The following DLG2 variants were observed in gnomAD, a reference collection of about 807,000 sequenced individuals.
DLG2 encodes the protein disks large homolog 2.
Under a neutral mutation model 132.5 loss-of-function variants are expected in DLG2, and 45 were observed. That is an observed-to-expected ratio of 0.34 (90% CI 0.27 to 0.44). The LOEUF is 0.44. Among genes scored for constraint, DLG2 ranks in the 20% least tolerant of loss-of-function variants. The pLI is 1.00. For missense variants in DLG2, 1,045 were observed against 1,196.9 expected (o/e 0.87, Z 1.87); for synonymous variants, 424 against 419.6 (o/e 1.01, Z -0.13).
At chr11:85,542,826 A>C (rs1415035013) in intron 3 of DLG2, among the ~76,000 whole-genome samples, 1 of 152,220 alleles carries the variant, frequency 6.6e-6, no homozygotes, top group Admixed American at 6.5e-5. Context: ...TTTATTTAAA[A>C]ACAAATGAAA....
intron 4 of DLG2, among the ~76,000 whole-genome samples, chr11:85,214,580 A>T (rs2082457741): frequency 6.6e-6 from 1 of 152,122 alleles, no homozygotes; most frequent in African/African-American, 2.4e-5. Flanking sequence ...ATATCCTCCC[A>T]CAAGTATCTA....
intron 6 of DLG2, among the ~76,000 whole-genome samples, chr11:84,734,972 A>G (rs780065822): frequency 6.6e-6 from 1 of 152,210 alleles, no homozygotes; most frequent in Non-Finnish European, 1.5e-5. Flanking sequence ...CCAGCCTTGC[A>G]TCCCAGGGAT....
chr11:84,980,322 C>G (rs936828313), intron 6 of DLG2, among the ~76,000 whole-genome samples: 3 of 152,030 alleles, frequency 2.0e-5, no homozygotes, highest in African/African-American at 7.2e-5. Flanking sequence ...TTAAAATGGT[C>G]CTGGTGGCAG....
chr11:84,269,762 C>T (rs1187280035), intron 7 of DLG2, among the ~76,000 whole-genome samples: 1 of 152,146 alleles, frequency 6.6e-6, no homozygotes, highest in Admixed American at 6.5e-5. Context: ...GCAAGATGAG[C>T]ATAAGAACTG....
intron 11 of DLG2, among the ~76,000 whole-genome samples, chr11:83,992,605 C>T (rs1036900817): frequency 2.0e-5 from 3 of 152,088 alleles, no homozygotes; most frequent in South Asian, 2.1e-4. Context: ...GGAGTGCAGT[C>T]TCCACAAGGA....
At chr11:84,275,165 A>G (rs2097772044) in intron 7 of DLG2, among the ~76,000 whole-genome samples, 2 of 152,156 alleles carry the variant, frequency 1.3e-5, no homozygotes, top group African/African-American at 2.4e-5. Flanking sequence ...CCTGTTTATC[A>G]GGTTCCTTTA....
intron 11 of DLG2, among the ~76,000 whole-genome samples, chr11:84,033,183 A>T (rs1212289278): frequency 6.6e-6 from 1 of 152,216 alleles, no homozygotes; most frequent in Non-Finnish European, 1.5e-5. Context: ...TATAGCTGCC[A>T]TAAATTGTGA....
At chr11:84,309,159 C>T (rs548042343) in intron 7 of DLG2, among the ~76,000 whole-genome samples, 51 of 152,266 alleles carry the variant, frequency 3.3e-4, no homozygotes, top group Non-Finnish European at 5.4e-4. Flanking sequence ...ACAATTTACT[C>T]ATGTAACAAA....
intron 6 of DLG2, among the ~76,000 whole-genome samples, chr11:84,869,300 T>C (rs552442324): frequency 3.3e-5 from 5 of 152,342 alleles, no homozygotes; most frequent in East Asian, 1.9e-4. Context: ...AGAGGCTTGC[T>C]TGAATTTTAG....
chr11:84,243,034 T>C (rs2097255965), intron 8 of DLG2, among the ~76,000 whole-genome samples: 1 of 151,548 alleles, frequency 6.6e-6, no homozygotes, highest in South Asian at 2.1e-4. Context: ...TATATATATA[T>C]ATATACACTC....
rs1036831736 is a variant in DLG2, at chr11:85,351,904, C to T, written c.41-66539G>A. ...TTGCGTCCCTGTCAGGCTTTGGCAT[C>T]AGGATGAGGCTGGCCTCATAAAATG... On this transcript the variant is annotated intron_variant, in intron 3 of 27. Coordinates refer to ENST00000376104, the MANE Select transcript of DLG2 (RefSeq NM_001142699.3). Among the ~76,000 whole-genome samples, 76 of 152,274 alleles carry T rather than the reference C, an allele frequency of 5.0e-4. 1 individual carries two copies. Among genetic ancestry groups the T allele is most frequent in the African/African-American group, 1.8e-3 (73 of 41,548 alleles).
chr11:85,093,312 T>TGG (rs1266232085), intron 6 of DLG2, among the ~76,000 whole-genome samples: 4 of 151,936 alleles, frequency 2.6e-5, no homozygotes, highest in African/African-American at 9.7e-5. Context: ...AGTTTTTGTT[T>TGG]TTTTTTTGTA....
intron 6 of DLG2, among the ~76,000 whole-genome samples, chr11:84,772,055 T>C (rs1469152385): frequency 1.3e-5 from 2 of 151,044 alleles, no homozygotes; most frequent in Admixed American, 1.3e-4. Flanking sequence ...AATCAAAGAG[T>C]TGGAGAAAGA....
At chr11:83,579,681 T>C (rs2096936879) in intron 19 of DLG2, among the ~76,000 whole-genome samples, 3 of 151,784 alleles carry the variant, frequency 2.0e-5, no homozygotes, top group Admixed American at 2.0e-4. Flanking sequence ...AATAAATAAG[T>C]AAATTTGGGC....
chr11:85,268,449 T>C (rs955055437), intron 4 of DLG2, among the ~76,000 whole-genome samples: 2 of 152,218 alleles, frequency 1.3e-5, no homozygotes, highest in Non-Finnish European at 2.9e-5. Context: ...TGATGTCTCA[T>C]GTCTCTCTAA....
chr11:84,049,691 C>G (rs551353605), intron 11 of DLG2, among the ~76,000 whole-genome samples: 9 of 151,896 alleles, frequency 5.9e-5, no homozygotes, highest in African/African-American at 2.2e-4. Context: ...TTAGAATTAG[C>G]GGTTTCTTTA....
chr11:84,588,336 C>T (rs772544987), intron 6 of DLG2, among the ~76,000 whole-genome samples: 5 of 152,132 alleles, frequency 3.3e-5, no homozygotes, highest in Non-Finnish European at 7.4e-5. Flanking sequence ...TCAGCCCCAC[C>T]CCCAAACACC....
At chr11:84,723,292 T>C (rs935696350) in intron 6 of DLG2, among the ~76,000 whole-genome samples, 1 of 152,210 alleles carries the variant, frequency 6.6e-6, no homozygotes, top group Admixed American at 6.5e-5. Context: ...TTAAGGCTGC[T>C]ATGTGCAAGT....
At chr11:84,228,412 T>C (rs1263403504) in intron 8 of DLG2, among the ~76,000 whole-genome samples, 1 of 152,202 alleles carries the variant, frequency 6.6e-6, no homozygotes, top group East Asian at 1.9e-4. Context: ...AGTTATTATC[T>C]ATCGGGAACA....
Sources: allele counts gnomAD v4.1 joint callset (sites outside exome capture counted in the v4.1 genomes callset), GRCh38; gene constraint gnomAD v4.1.1; transcripts MANE v1.5; gene names NCBI Gene and HGNC (gene_info 2026-07-23, HGNC 2026-07-21).